The following NRIP3 variants were observed in gnomAD, a reference collection of about 807,000 sequenced individuals.
NRIP3 encodes the protein nuclear receptor interacting protein 3, also known as nuclear receptor-interacting protein 3.
NRIP3 carries 31 observed loss-of-function variants against 29.0 expected under a neutral mutation model. That is an observed-to-expected ratio of 1.07 (90% CI 0.80 to 1.44). The LOEUF (loss-of-function observed/expected upper bound fraction) is 1.44. Ranked by LOEUF, NRIP3 falls within the 40% of genes most tolerant of loss-of-function variation. NRIP3 has a pLI of 0.00. For synonymous variants in NRIP3, 131 were observed against 118.3 expected (o/e 1.11, Z -0.70); for missense variants, 314 against 297.9 (o/e 1.05, Z -0.40).
intron 1 of NRIP3, among the ~76,000 whole-genome samples, chr11:9,002,682 C>T (rs1241584374): frequency 6.7e-6 from 1 of 149,448 alleles, no homozygotes; most frequent in Non-Finnish European, 1.5e-5. Flanking sequence ...GAACTAGGGC[C>T]GACAACCACA....
chr11:8,988,587 G>T (rs75146099), intron 1 of NRIP3, among the ~76,000 whole-genome samples: 11,164 of 152,220 alleles, frequency 0.073, 590 homozygotes, highest in South Asian at 0.24. Context: ...GACTAACCTA[G>T]GCCTGCTACC....
chr11:8,985,882 T>C, intron 3 of NRIP3, 32 bp from the exon 4 acceptor site: 1 of 1,610,768 alleles, frequency 6.2e-7, no homozygotes, highest in Non-Finnish European at 8.5e-7. Flanking sequence ...CAAAATCCCC[T>C]TGACAGAGAT....
At chr11:8,994,898 A>G (rs1286549724) in intron 1 of NRIP3, among the ~76,000 whole-genome samples, 1 of 152,228 alleles carries the variant, frequency 6.6e-6, no homozygotes, top group Admixed American at 6.5e-5. Flanking sequence ...CTTTATGATG[A>G]TGACTCTATC....
At chr11:8,990,861 A>G (rs759923982) in intron 1 of NRIP3, among the ~76,000 whole-genome samples, 1 of 152,152 alleles carries the variant, frequency 6.6e-6, no homozygotes, top group Non-Finnish European at 1.5e-5. Context: ...CAATCTCTCA[A>G]GCCCTTCTCA....
At chr11:8,987,814 A>G (rs1854541272) in intron 2 of NRIP3, among the ~76,000 whole-genome samples, 184 bp from the exon 3 acceptor site, 1 of 152,224 alleles carries the variant, frequency 6.6e-6, no homozygotes, top group African/African-American at 2.4e-5. Flanking sequence ...GTTCCTGCTG[A>G]ATCCAGAGCT....
chr11:8,999,650 C>T (rs1229741227), intron 1 of NRIP3, among the ~76,000 whole-genome samples: 1 of 152,186 alleles, frequency 6.6e-6, no homozygotes, highest in Non-Finnish European at 1.5e-5. Context: ...TTCTATCACC[C>T]TCCCCCTTGC....
At chr11:9,004,010 G>A (rs1054613046), upstream of NRIP3, 22 of 1,337,094 alleles carry the variant, frequency 1.6e-5, no homozygotes, top group African/African-American at 1.4e-4. Context: ...GCGCCGCAAG[G>A]GCCCCGAGCC....
chr11:8,988,545 G>A (rs1285090252), intron 1 of NRIP3, among the ~76,000 whole-genome samples: 2 of 152,138 alleles, frequency 1.3e-5, no homozygotes, highest in Non-Finnish European at 2.9e-5. Flanking sequence ...AATATTCTAG[G>A]GCTTAAGAGA....
At chr11:8,987,837 C>T (rs905665452) in intron 2 of NRIP3, among the ~76,000 whole-genome samples, 2 of 152,220 alleles carry the variant, frequency 1.3e-5, no homozygotes, top group Admixed American at 1.3e-4. Context: ...CAGAAGATCC[C>T]CCAAAAACTC....
chr11:8,990,445 AAC>A (rs1332598729), intron 1 of NRIP3, among the ~76,000 whole-genome samples: 1 of 152,190 alleles, frequency 6.6e-6, no homozygotes, highest in East Asian at 1.9e-4. Context: ...AAAAGGTTCA[AAC>A]ACATGCTCAA....
rs114824581 is a variant in NRIP3, at chr11:8,983,945, G to A, written c.640C>T (p.Arg214Trp). 57 of 1,614,104 alleles carry A rather than the reference G, an allele frequency of 3.5e-5. No homozygotes were observed. The highest frequency in any genetic ancestry group is 1.9e-4 in the South Asian group (17 of 91,080). Residue 214 changes from arginine to tryptophan, a missense_variant, in exon 6 of 7, where the codon CGG (arginine) becomes TGG (tryptophan). Arg to Trp is a moderately radical substitution (Grantham distance 101). Coordinates refer to ENST00000309166, the MANE Select transcript of NRIP3 (RefSeq NM_020645.3). Reference sequence around the variant, plus strand: ...TTGTCTGTCTTCCCCATGATCAGCCGGTGCTTATCCAAGTTTATGATGCAC... The same window carrying A: ...TTGTCTGTCTTCCCCATGATCAGCCAGTGCTTATCCAAGTTTATGATGCAC... Reference protein sequence around the residue: ...LKCIINLDKHRLIMGKTDKEE... With the variant: ...LKCIINLDKHWLIMGKTDKEE...
At chr11:8,992,819 C>G (rs1317989963) in intron 1 of NRIP3, among the ~76,000 whole-genome samples, 1 of 151,760 alleles carries the variant, frequency 6.6e-6, no homozygotes, top group Non-Finnish European at 1.5e-5. Flanking sequence ...GAGGCTGAGG[C>G]AGGAGAATCA....
In NRIP3 at chr11:8,985,729, A is replaced by C; in HGVS notation, c.544T>G (p.Cys182Gly). 6.2e-7 allele frequency: 1 copy of C among 1,614,064 alleles called. No individual in the cohort carries two copies. Among genetic ancestry groups the C allele is most frequent in the South Asian group, 1.1e-5 (1 of 91,074 alleles). ...TGCTTACCAACCACAGCTGCTGGGCAGTCCAGGCGGAGGGAGCCCAGTGTG... is the reference window on the plus strand; with the variant it reads ...TGCTTACCAACCACAGCTGCTGGGCCGTCCAGGCGGAGGGAGCCCAGTGTG... The part of the protein sequence containing the change: ...VITLGSLRLD[C>G]PAAVVDDNEK... Residue 182 changes from cysteine (C) to glycine (G), a missense_variant, in exon 4 of 7, where the codon TGC (cysteine) becomes GGC (glycine). Physicochemically the swap from Cys to Gly is radical, Grantham distance 159. Transcript: ENST00000309166.
chr11:8,983,992 TG>T, intron 5 of NRIP3, 23 bp from the exon 6 acceptor site: 1 of 1,608,780 alleles, frequency 6.2e-7, no homozygotes. Flanking sequence ...AACTTGTCAG[TG>T]ATACCACTAT....
chr11:8,985,231 A>G (rs1366418600), intron 4 of NRIP3, among the ~76,000 whole-genome samples: 26 of 133,364 alleles, frequency 1.9e-4, no homozygotes, highest in South Asian at 1.9e-3. Context: ...GTGCAGTGGC[A>G]CGATCTCAGC....
Position 8,983,436 on chromosome 11 carries a change from G to T in NRIP3, c.*109C>A. ...CCCCTGGAGCTTCTATTAGATGGAA[G>T]GACTTGGTCCACAGCAAGTCACTAC... is the stretch of plus-strand genomic sequence containing the variant. On this transcript the variant is annotated 3_prime_UTR_variant, in exon 7 of 7. Coordinates refer to ENST00000309166, the MANE Select transcript of NRIP3 (RefSeq NM_020645.3). 1 of 960,324 alleles carries T rather than the reference G, an allele frequency of 1.0e-6. No homozygotes were observed. The highest frequency in any genetic ancestry group is 1.6e-5 in the South Asian group (1 of 64,078). 59.5% of individuals were successfully genotyped at this position (960,324 alleles called of 1,614,324 possible). A position where few individuals can be genotyped will look rare whatever the true frequency, so the allele number is the denominator to read the frequency against.
Position 9,003,969 on chromosome 11 carries a change from C to A in NRIP3, c.-34G>T, listed in dbSNP as rs1032369581. On this transcript the variant is annotated 5_prime_UTR_variant, in exon 1 of 7. Transcript: ENST00000309166. ...CGCCGGCGGCCCGGTAGCCCACAGCCCCCCGGCAGCCTCAGCCTCGAGCTC... is the reference window on the plus strand; with the variant it reads ...CGCCGGCGGCCCGGTAGCCCACAGCACCCCGGCAGCCTCAGCCTCGAGCTC... 5 of 1,461,320 alleles carry A rather than the reference C, an allele frequency of 3.4e-6. No individual in the cohort carries two copies. The highest frequency in any genetic ancestry group is 3.0e-5 in the East Asian group (1 of 32,972). 90.5% of individuals were successfully genotyped at this position (1,461,320 alleles called of 1,614,324 possible). A position where few individuals can be genotyped will look rare whatever the true frequency, so the allele number is the denominator to read the frequency against.
At chr11:8,992,730 A>G (rs930210539) in intron 1 of NRIP3, among the ~76,000 whole-genome samples, 1 of 152,036 alleles carries the variant, frequency 6.6e-6, no homozygotes, top group African/African-American at 2.4e-5. Context: ...CCAAGCCAAC[A>G]TGGTGAAATC....
chr11:8,992,055 C>A (rs1436097581), intron 1 of NRIP3, among the ~76,000 whole-genome samples: 1 of 152,198 alleles, frequency 6.6e-6, no homozygotes, highest in Admixed American at 6.5e-5. Context: ...TCCACTAATA[C>A]TGTTACTTAA....
Sources: gnomAD v4.1 joint callset for allele counts (sites outside exome capture counted in the v4.1 genomes callset) on GRCh38, gnomAD v4.1.1 for gene constraint, MANE v1.5 for transcripts, NCBI Gene and HGNC (gene_info 2026-07-23, HGNC 2026-07-21) for gene names.